The following TCF25 variants were observed in gnomAD, a reference collection of about 807,000 sequenced individuals.
The protein encoded by TCF25 is TCF25 ribosome quality control complex subunit.
A neutral mutation model predicts 83.1 loss-of-function variants in TCF25; 41 were observed. The observed-to-expected ratio is 0.49, with a 90% CI of 0.38 to 0.64. TCF25 has a LOEUF of 0.64. Among genes scored for constraint, TCF25 ranks in the 30% least tolerant of loss-of-function variants. The pLI is 0.00. For synonymous variants in TCF25, 458 were observed against 365.0 expected, an observed-to-expected ratio of 1.25 and a Z score of -2.90; for missense variants, 979 against 914.5, an observed-to-expected ratio of 1.07 and a Z score of -0.91.
At chr16:89,897,808 AAAC>A (rs1315056420) in intron 9 of TCF25, among the ~76,000 whole-genome samples, 1 of 147,284 alleles carries the variant, frequency 6.8e-6, no homozygotes, top group Non-Finnish European at 1.5e-5. Context: ...GATAAATAAT[AAAC>A]AAAAAAACAA....
Position 89,887,796 on chromosome 16 carries a change from G to A in TCF25, c.614+79G>A, listed in dbSNP as rs1021970169. ...CTTGGCCGGGGGTGGTGTTCCTGAA[G>A]CTAGTTTACCCTTGAGGGAGAGTAT... On this transcript the variant is annotated intron_variant, in intron 5 of 17. Coordinates refer to ENST00000263346, the MANE Select transcript of TCF25 (RefSeq NM_014972.3). 8 of 1,376,730 alleles carry A rather than the reference G, an allele frequency of 5.8e-6. No individual in the cohort carries two copies. In the East Asian group the frequency reaches 7.6e-5, roughly 13 times the overall value. 85.3% of individuals were successfully genotyped at this position (1,376,730 alleles called of 1,614,324 possible).
At chr16:89,906,598 T>C (rs748164662) in intron 15 of TCF25, among the ~76,000 whole-genome samples, 1 of 152,148 alleles carries the variant, frequency 6.6e-6, no homozygotes, top group Non-Finnish European at 1.5e-5. Context: ...AGTCGTGGGG[T>C]GTAGTCCTGC....
intron 14 of TCF25, among the ~76,000 whole-genome samples, chr16:89,905,396 T>A (rs1204903856): frequency 6.6e-6 from 1 of 151,770 alleles, no homozygotes. Context: ...TGATGACGAG[T>A]CTCTCACAGC....
intron 16 of TCF25, among the ~76,000 whole-genome samples, chr16:89,907,710 A>C (rs1304615513): frequency 5.3e-5 from 2 of 37,412 alleles, no homozygotes; most frequent in Non-Finnish European, 1.0e-4. Flanking sequence ...CCCACCTGCC[A>C]CCTCCCGCCT....
At position 89,904,138 on chromosome 16, in the gene TCF25, T is replaced by C; in HGVS notation, c.1402T>C (p.Ser468Pro). 6.2e-7 allele frequency: 1 copy of C among 1,607,250 alleles called. No homozygotes were observed. The highest frequency in any genetic ancestry group is 8.5e-7 in the Non-Finnish European group (1 of 1,177,094). Reference protein sequence around the residue: ...FPGVLLPLLESCSVRPDASVS... With the variant: ...FPGVLLPLLEPCSVRPDASVS... ...TGCAGTCCTCCTGCCCCTGCTCGAG[T>C]CTTGCAGTGTGCGGCCCGACGCCAG... Residue 468 changes from serine to proline, a missense_variant, in exon 13 of 18, where the codon TCT (serine) becomes CCT (proline). Coordinates refer to ENST00000263346, the MANE Select transcript of TCF25 (RefSeq NM_014972.3).
chr16:89,892,110 G>T, intron 5 of TCF25, 83 bp from the exon 6 acceptor site: 1 of 1,375,448 alleles, frequency 7.3e-7, no homozygotes. Flanking sequence ...TGCTTCCACA[G>T]CCCGTGCAGG....
intron 7 of TCF25, among the ~76,000 whole-genome samples, chr16:89,894,662 C>CGTTTTT (rs748968205): frequency 3.9e-5 from 6 of 152,140 alleles, no homozygotes; most frequent in African/African-American, 1.4e-4. Context: ...GTAATTCCCC[C>CGTTTTT]GTTTTTGTTT....
At chr16:89,900,479 G>A (rs1292270747) in intron 11 of TCF25, among the ~76,000 whole-genome samples, 156 bp from the exon 12 acceptor site, 1 of 152,152 alleles carries the variant, frequency 6.6e-6, no homozygotes, top group African/African-American at 2.4e-5. Context: ...GACGTTTTAA[G>A]TTATCTTTAT....
At position 89,896,007 on chromosome 16, in the gene TCF25, A is replaced by G. The variant is rs754617273; in HGVS notation, c.946A>G (p.Met316Val). The G allele has an allele frequency of 6.2e-7, 1 of 1,613,860 alleles. No individual in the cohort carries two copies. ...GCCCACAGAGAGAGCGCTGTACAGC[A>G]TGGAATGTGCGTTCCACCCCCTGTT... ...RDLVERALYSMECAFHPLFSL... is the reference protein window; with the variant it reads ...RDLVERALYSVECAFHPLFSL... The change falls in exon 9 of 18, where the codon ATG (methionine) becomes GTG (valine). Residue 316 changes from methionine (M) to valine (V), a missense_variant. Coordinates refer to ENST00000263346, the MANE Select transcript of TCF25 (RefSeq NM_014972.3).
At position 89,882,579 on chromosome 16, in the gene TCF25, C is replaced by T. The variant is rs964317213; in HGVS notation, c.193-772C>T. ...GTTTCATCGTATGAATTATTTTTAT[C>T]GTATGTCATTTTGTTTTTCTATTTT... is the stretch of plus-strand genomic sequence containing the variant. On this transcript the variant is annotated intron_variant, in intron 1 of 17. Transcript: ENST00000263346. 2.0e-5 allele frequency among the ~76,000 whole-genome samples: 3 copies of T among 152,026 alleles called. No individual in the cohort carries two copies. The South Asian group carries it at 6.2e-4, about 32-fold the overall frequency.
chr16:89,906,090 C>A, intron 14 of TCF25, 104 bp from the exon 15 acceptor site: 2 of 974,876 alleles, frequency 2.1e-6, no homozygotes, highest in Non-Finnish European at 3.1e-6. Flanking sequence ...AGAGATGCAG[C>A]GAGATGCCTC....
intron 12 of TCF25, among the ~76,000 whole-genome samples, chr16:89,901,255 G>A (rs1016599849): frequency 2.0e-5 from 3 of 152,238 alleles, no homozygotes; most frequent in Admixed American, 6.5e-5. Context: ...GGGTAGCTTC[G>A]ATCCACGCAC....
chr16:89,907,101 C>G (rs2044855385), intron 15 of TCF25, 142 bp from the exon 16 acceptor site: 7 of 844,898 alleles, frequency 8.3e-6, no homozygotes, highest in Non-Finnish European at 1.3e-5. Context: ...ACAAAAAGCA[C>G]AGCCGTTTCT....
chr16:89,897,073 A>C (rs1186794383), intron 9 of TCF25, among the ~76,000 whole-genome samples: 1 of 151,796 alleles, frequency 6.6e-6, no homozygotes, highest in Admixed American at 6.6e-5. Flanking sequence ...CTGAGAAACC[A>C]GATCTCCACA....
chr16:89,899,442 T>G (rs922819690), intron 11 of TCF25, among the ~76,000 whole-genome samples: 2 of 152,132 alleles, frequency 1.3e-5, no homozygotes, highest in African/African-American at 4.8e-5. Flanking sequence ...CCCAGAAAAT[T>G]TAAATTGGGC....
rs1205020865 is a variant in TCF25, at chr16:89,880,591, GA to G, written c.193-2748del. 1.5e-3 allele frequency among the ~76,000 whole-genome samples: 218 copies of G among 141,272 alleles called. 2 individuals are homozygous for G. The highest frequency in any genetic ancestry group is 7.5e-3 in the Middle Eastern group (2 of 268). 92.7% of individuals were successfully genotyped at this position (141,272 alleles called of 152,430 possible). A position where few individuals can be genotyped will look rare whatever the true frequency, so the allele number is the denominator to read the frequency against. ...AGAGCAAGACTCCATCTCAAAAAAAGAAAAAAAAAAAAGTAAATTGGGTGTT... is the reference window on the plus strand; with the variant it reads ...AGAGCAAGACTCCATCTCAAAAAAAGAAAAAAAAAAAGTAAATTGGGTGTT... On this transcript the variant is annotated intron_variant, in intron 1 of 17. Transcript: ENST00000263346.
intron 9 of TCF25, among the ~76,000 whole-genome samples, chr16:89,898,292 G>A (rs1011879436): frequency 2.0e-5 from 3 of 152,052 alleles, no homozygotes; most frequent in African/African-American, 4.8e-5. Flanking sequence ...TGACCGGGGC[G>A]CTAAGCAGTG....
chr16:89,894,030 T>C (rs1251345279), intron 7 of TCF25, 172 bp downstream of exon 7: 17 of 954,962 alleles, frequency 1.8e-5, no homozygotes, highest in Non-Finnish European at 2.3e-5. Context: ...GGAGATGTGT[T>C]CGGAGGCTCT....
At chr16:89,895,787 A>T (rs984266186) in intron 8 of TCF25, among the ~76,000 whole-genome samples, 6 of 152,222 alleles carry the variant, frequency 3.9e-5, no homozygotes, top group African/African-American at 1.4e-4. Context: ...AAGTGTTACC[A>T]TGTCAAGCTC....
Sources: allele counts gnomAD v4.1 joint callset (sites outside exome capture counted in the v4.1 genomes callset), GRCh38; gene constraint gnomAD v4.1.1; transcripts MANE v1.5; gene names NCBI Gene and HGNC (gene_info 2026-07-23, HGNC 2026-07-21).